The following CFAP54 variants were observed in gnomAD, a reference collection of about 807,000 sequenced individuals.
The protein encoded by CFAP54 is cilia- and flagella-associated protein 54.
In CFAP54, 290 loss-of-function variants were observed where a neutral mutation model predicts 370.4. The ratio of observed to expected loss-of-function variants is 0.78; its 90% confidence interval spans 0.71 to 0.86. The LOEUF (loss-of-function observed/expected upper bound fraction) is 0.86. CFAP54 is among the 40% of genes least tolerant of loss of function. The pLI is 0.00. For missense variants in CFAP54, 3,399 were observed against 3,528.7 expected (o/e 0.96, Z 0.93); for synonymous variants, 1,206 against 1,236.5 (o/e 0.98, Z 0.52).
chr12:96,766,393 C>T (rs561327507), intron 60 of CFAP54, among the ~76,000 whole-genome samples: 3 of 152,034 alleles, frequency 2.0e-5, no homozygotes, highest in African/African-American at 7.3e-5. Flanking sequence ...TAGGTGGGTT[C>T]TCTGGGGACA....
chr12:96,860,922 T>C lies in CFAP54; in HGVS notation c.9275T>C (p.Val3092Ala), dbSNP rs1405417168. The change falls in exon 67 of 68, where the codon GTG (valine) becomes GCG (alanine). Residue 3092 changes from valine (V) to alanine (A), a missense_variant. Transcript: ENST00000524981. Reference protein sequence around the residue: ...LSGGSLFNWIVSIIP With the variant: ...LSGGSLFNWIASIIP ...GGAGGAAGCCTTTTCAACTGGATAG[T>C]GTCAATTATTCCCTGAATATCCTAT... The C allele has an allele frequency of 2.0e-6, 3 of 1,534,280 alleles. No homozygotes were observed. The highest frequency in any genetic ancestry group is 1.4e-5 in the African/African-American group (1 of 73,006).
intron 32 of CFAP54, among the ~76,000 whole-genome samples, chr12:96,638,286 T>G: frequency 6.7e-6 from 1 of 148,718 alleles, no homozygotes. Context: ...CAGGCTGGAG[T>G]GCAGTGGTAC....
intron 39 of CFAP54, among the ~76,000 whole-genome samples, chr12:96,677,587 G>A (rs1957225474): frequency 6.6e-6 from 1 of 152,118 alleles, no homozygotes; most frequent in African/African-American, 2.4e-5. Context: ...AGCAGAGAGG[G>A]ACACTAAGGA....
At chr12:96,710,549 G>A (rs913008049) in intron 48 of CFAP54, among the ~76,000 whole-genome samples, 1 of 152,052 alleles carries the variant, frequency 6.6e-6, no homozygotes, top group Admixed American at 6.6e-5. Context: ...TGGGGGCATG[G>A]GCTCTTTAGT....
intron 27 of CFAP54, among the ~76,000 whole-genome samples, 154 bp downstream of exon 27, chr12:96,621,875 G>GTTTTTGTTTTTTTTTTTT (rs1956496574): frequency 2.0e-5 from 1 of 50,022 alleles, no homozygotes; most frequent in Non-Finnish European, 3.3e-5. Context: ...TTTTGGGTTT[G>GTTTTTGTTTTTTTTTTTT]TTTTTTTTTT....
chr12:96,746,268 A>T (rs1958113303), intron 55 of CFAP54, among the ~76,000 whole-genome samples: 1 of 152,162 alleles, frequency 6.6e-6, no homozygotes. Flanking sequence ...AAAAAACAAT[A>T]ACAAACCTAC....
At chr12:96,826,679 A>G (rs1309395929) in intron 65 of CFAP54, among the ~76,000 whole-genome samples, 1 of 109,472 alleles carries the variant, frequency 9.1e-6, no homozygotes, top group Non-Finnish European at 1.7e-5. Context: ...TATATAATAT[A>G]TAATATATTA....
chr12:96,849,893 G>A (rs1959487075), intron 66 of CFAP54, among the ~76,000 whole-genome samples: 1 of 152,060 alleles, frequency 6.6e-6, no homozygotes, highest in African/African-American at 2.4e-5. Flanking sequence ...TCTTTTATCT[G>A]CCAGTCTGTT....
intron 43 of CFAP54, 142 bp from the exon 44 acceptor site, chr12:96,690,986 G>A (rs1036157187): frequency 1.5e-6 from 1 of 675,570 alleles, no homozygotes; most frequent in South Asian, 2.1e-5. Flanking sequence ...TAATATAAAT[G>A]ATAAGTACCA....
intron 34 of CFAP54, among the ~76,000 whole-genome samples, chr12:96,648,658 G>A (rs1340918780): frequency 1.4e-5 from 2 of 147,600 alleles, no homozygotes; most frequent in East Asian, 2.0e-4. Context: ...TGGCGATCTC[G>A]GCTGGCTGCA....
rs752115251 is a variant in CFAP54 at position 96,650,007 on chromosome 12, C to T, written c.4807C>T (p.Arg1603Ter). Reference sequence around the variant, plus strand: ...AGGTTCTAGTGCTAAAGAAAAGGACCGAGGAGCAAATTTGTGTGTAATGGA... The same window carrying T: ...AGGTTCTAGTGCTAAAGAAAAGGACTGAGGAGCAAATTTGTGTGTAATGGA... ...QSGSSAKEKD[R>*]GANLCVMDHF... is the part of the protein sequence containing the mutation. The change falls in exon 35 of 68, where the codon CGA becomes TGA. Residue 1603 changes from arginine to a stop codon, truncating the protein, a stop_gained. Coordinates refer to ENST00000524981, the MANE Select transcript of CFAP54 (RefSeq NM_001306084.2). LOFTEE classifies it high-confidence loss of function. The T allele has an allele frequency of 4.3e-6, 7 of 1,613,576 alleles. No individual in the cohort carries two copies. The highest frequency in any genetic ancestry group is 2.2e-5 in the East Asian group (1 of 44,844).
chr12:96,680,021 G>C (rs1316452576), intron 40 of CFAP54, among the ~76,000 whole-genome samples: 4 of 152,138 alleles, frequency 2.6e-5, no homozygotes, highest in Admixed American at 1.3e-4. Context: ...TTTTGATTCT[G>C]TACATTTATG....
chr12:96,872,726 G>A (rs1376773757), intron 67 of CFAP54, among the ~76,000 whole-genome samples: 2 of 152,136 alleles, frequency 1.3e-5, no homozygotes, highest in Admixed American at 1.3e-4. Flanking sequence ...TGGAGTAGGT[G>A]GTCTCTATGA....
Position 96,554,248 on chromosome 12 carries a change from T to G in CFAP54, c.2221T>G (p.Leu741Val). ...TGACAGAGCAATCGGTGGAATAAAT[T>G]TGAATTGCATGTTAACCTCTTTGCC... ...LLDRAIGGIN[L>V]NCMLTSLPNG... The change falls in exon 16 of 68, where the codon TTG becomes GTG. Residue 741 changes from leucine to valine, a missense_variant. Leu to Val is a conservative substitution (Grantham distance 32, BLOSUM62 1). Coordinates refer to ENST00000524981, the MANE Select transcript of CFAP54 (RefSeq NM_001306084.2). 2.0e-6 allele frequency: 3 copies of G among 1,528,894 alleles called. No homozygotes were observed. The highest frequency in any genetic ancestry group is 2.6e-6 in the Non-Finnish European group (3 of 1,143,476). 94.7% of individuals were successfully genotyped at this position (1,528,894 alleles called of 1,614,324 possible).
rs555535124 is a variant in CFAP54, at chr12:96,489,809, C to T, written c.200C>T (p.Ala67Val). 1.4e-4 allele frequency: 217 copies of T among 1,536,038 alleles called. No homozygotes were observed. The African/African-American group carries it at 2.4e-3, about 17-fold the overall frequency. Residue 67 changes from alanine to valine, a missense_variant, in exon 1 of 68, where the codon GCG becomes GTG. Coordinates refer to ENST00000524981, the MANE Select transcript of CFAP54 (RefSeq NM_001306084.2). Reference sequence around the variant, plus strand: ...GCCGTGTTTTATGGGCCGCTGGACGCGAAAAACCCGCTCCTGGCCTCTTGT... The same window carrying T: ...GCCGTGTTTTATGGGCCGCTGGACGTGAAAAACCCGCTCCTGGCCTCTTGT... ...PLAVFYGPLD[A>V]KNPLLASCEK...
chr12:96,690,354 A>G (rs1428378959), intron 43 of CFAP54, among the ~76,000 whole-genome samples: 2 of 152,244 alleles, frequency 1.3e-5, no homozygotes, highest in African/African-American at 4.8e-5. Context: ...TGATATATAC[A>G]TTAAAATAAT....
At chr12:96,514,021 A>C (rs540553290) in intron 5 of CFAP54, among the ~76,000 whole-genome samples, 5 of 152,196 alleles carry the variant, frequency 3.3e-5, no homozygotes, top group African/African-American at 1.2e-4. Context: ...TGACTTCCCT[A>C]CAATGTTGGT....
At chr12:96,788,037 C>A (rs549620456) in intron 62 of CFAP54, among the ~76,000 whole-genome samples, 1 of 151,758 alleles carries the variant, frequency 6.6e-6, no homozygotes, top group East Asian at 1.9e-4. Flanking sequence ...CTGTCTCAGC[C>A]TCCCGAAAAA....
chr12:96,776,885 T>C, intron 60 of CFAP54, among the ~76,000 whole-genome samples: 1 of 152,330 alleles, frequency 6.6e-6, no homozygotes, highest in South Asian at 2.1e-4. Flanking sequence ...TTGGACAATA[T>C]AAAAAATGTT....
Sources: gnomAD v4.1 joint callset for allele counts (sites outside exome capture counted in the v4.1 genomes callset) on GRCh38, gnomAD v4.1.1 for gene constraint, MANE v1.5 for transcripts, NCBI Gene and HGNC (gene_info 2026-07-23, HGNC 2026-07-21) for gene names.